KRABD5: variants seen among roughly 807,000 people sequenced by gnomAD.
The protein encoded by KRABD5 is KRAB domain containing 5, also known as KRAB domain-containing protein 5.
chr16:31,743,775 G>C, the KRABD5 span, among the ~76,000 whole-genome samples: 3 of 152,062 alleles, frequency 2.0e-5, no homozygotes, highest in Admixed American at 2.0e-4. Flanking sequence ...TTTTCCATTT[G>C]CTTGTGTCCT....
At chr16:31,722,056 AGTTTTTT>A in the KRABD5 span, among the ~76,000 whole-genome samples, 20,123 of 151,970 alleles carry the variant, frequency 0.13, 1,731 homozygotes, top group South Asian at 0.32. Context: ...TTGATGCGTT[AGTTTTTT>A]GTTTTTTGTT....
At chr16:31,724,523 T>C in the KRABD5 span, among the ~76,000 whole-genome samples, 1 of 150,040 alleles carries the variant, frequency 6.7e-6, no homozygotes, top group African/African-American at 2.5e-5. Flanking sequence ...CCGTCTCTAC[T>C]AAAAAATACA....
the KRABD5 span, chr16:31,723,400 G>A: frequency 6.4e-7 from 1 of 1,554,260 alleles, no homozygotes; most frequent in Non-Finnish European, 8.7e-7. Flanking sequence ...GAGGTCCAGA[G>A]ATTAAGAAAG....
the KRABD5 span, among the ~76,000 whole-genome samples, chr16:31,738,343 TA>T: frequency 1.3e-5 from 2 of 152,146 alleles, no homozygotes; most frequent in Non-Finnish European, 2.9e-5. Context: ...TTCAATTCTG[TA>T]AAAGTTTGCT....
chr16:31,741,577 C>T, the KRABD5 span, among the ~76,000 whole-genome samples: 47 of 152,098 alleles, frequency 3.1e-4, no homozygotes, highest in African/African-American at 9.6e-4. Context: ...AACATTTTTT[C>T]GTATGCTTGA....
the KRABD5 span, chr16:31,754,615 A>G: frequency 4.2e-6 from 2 of 473,698 alleles, no homozygotes. Flanking sequence ...TCTTTATTCA[A>G]GAGAAGTCTG....
At chr16:31,750,608 T>C in the KRABD5 span, among the ~76,000 whole-genome samples, 1 of 152,148 alleles carries the variant, frequency 6.6e-6, no homozygotes, top group African/African-American at 2.4e-5. Flanking sequence ...CATTCTTGTT[T>C]TTAAGGGGAA....
At chr16:31,714,810 T>A in the KRABD5 span, among the ~76,000 whole-genome samples, 1 of 152,054 alleles carries the variant, frequency 6.6e-6, no homozygotes, top group Admixed American at 6.6e-5. Context: ...GTGGTCGAGG[T>A]TGGGCTGGAA....
chr16:31,742,209 G>A, the KRABD5 span, among the ~76,000 whole-genome samples: 1 of 148,692 alleles, frequency 6.7e-6, no homozygotes, highest in Non-Finnish European at 1.5e-5. Context: ...AAAAAAAGAT[G>A]GGGGATACAT....
the KRABD5 span, among the ~76,000 whole-genome samples, chr16:31,735,796 T>G: frequency 6.6e-6 from 1 of 152,204 alleles, no homozygotes; most frequent in Non-Finnish European, 1.5e-5. Flanking sequence ...GATTTCAAAT[T>G]TCTTATATAC....
the KRABD5 span, among the ~76,000 whole-genome samples, chr16:31,717,640 G>T: frequency 2.0e-5 from 3 of 152,140 alleles, no homozygotes; most frequent in African/African-American, 7.2e-5. Context: ...TTAGCAGATT[G>T]CCTGTAATGT....
chr16:31,759,262 C>A, the KRABD5 span: 2 of 1,326,578 alleles, frequency 1.5e-6, no homozygotes, highest in Non-Finnish European at 2.1e-6. Flanking sequence ...ATATGAAAAA[C>A]CAAGCACACA....
chr16:31,760,719 CAAATACTAAATCTGA>C, the KRABD5 span: 7 of 152,116 alleles, frequency 4.6e-5, no homozygotes, highest in African/African-American at 7.2e-5. Context: ...AATCTGTTTT[CAAATACTAAATCTGA>C]AAATACTAAA....
chr16:31,759,299 C>T, the KRABD5 span: 224 of 1,513,592 alleles, frequency 1.5e-4, no homozygotes, highest in African/African-American at 2.9e-3. Context: ...TAAACCTGCT[C>T]AATGAGAGAA....
the KRABD5 span, among the ~76,000 whole-genome samples, chr16:31,732,083 A>G: frequency 6.6e-6 from 1 of 152,356 alleles, no homozygotes; most frequent in South Asian, 2.1e-4. Context: ...CAAGTGAGCC[A>G]TAGCTAAATC....
At chr16:31,758,295 A>ATC in the KRABD5 span, 1 of 152,320 alleles carries the variant, frequency 6.6e-6, no homozygotes, top group East Asian at 1.9e-4. Flanking sequence ...AGTAATACTC[A>ATC]TCTCTACTGT....
chr16:31,754,158 AAAT>A, the KRABD5 span: 1 of 694,352 alleles, frequency 1.4e-6, no homozygotes, highest in Non-Finnish European at 2.6e-6. Flanking sequence ...AAACCAATTA[AAAT>A]ATAGAACTGG....
At chr16:31,723,013 A>T in the KRABD5 span, among the ~76,000 whole-genome samples, 2 of 152,214 alleles carry the variant, frequency 1.3e-5, no homozygotes, top group African/African-American at 4.8e-5. Flanking sequence ...ATAAACTATC[A>T]TTGCCCACAC....
At chr16:31,727,251 AT>A in the KRABD5 span, among the ~76,000 whole-genome samples, 1 of 152,244 alleles carries the variant, frequency 6.6e-6, no homozygotes, top group East Asian at 1.9e-4. Flanking sequence ...TTCGTTGCTG[AT>A]ATGAGTGCCT....
Sources: allele counts gnomAD v4.1 joint callset (sites outside exome capture counted in the v4.1 genomes callset), GRCh38; gene constraint gnomAD v4.1.1; transcripts MANE v1.5; gene names NCBI Gene and HGNC (gene_info 2026-07-23, HGNC 2026-07-21).